ANTXRL: variants seen among roughly 807,000 people sequenced by gnomAD.
ANTXRL encodes ANTXR like.
In ANTXRL, 63 loss-of-function variants were observed where a neutral mutation model predicts 75.4. The observed-to-expected ratio is 0.84, with a 90% CI of 0.68 to 1.03. The LOEUF (loss-of-function observed/expected upper bound fraction) is 1.03, where lower values mean the gene tolerates loss of function less well. ANTXRL is among the 50% of genes least tolerant of loss of function. ANTXRL has a pLI of 0.00. For missense variants in ANTXRL, 797 were observed against 789.4 expected (o/e 1.01, Z -0.12); for synonymous variants, 335 against 291.3 (o/e 1.15, Z -1.53).
intron 12 of ANTXRL, chr10:46,308,343 C>T (rs1408395293): frequency 1.2e-5 from 5 of 407,530 alleles, no homozygotes; most frequent in African/African-American, 2.1e-5. Flanking sequence ...CCTTCATGCT[C>T]AGCCTCAGTG....
chr10:46,288,053 A>G (rs1373208774), intron 1 of ANTXRL, among the ~76,000 whole-genome samples: 1 of 151,980 alleles, frequency 6.6e-6, no homozygotes, highest in African/African-American at 2.4e-5. Flanking sequence ...ACACTTTCAG[A>G]ACAGTTTGGT....
chr10:46,298,122 A>G, intron 9 of ANTXRL, 60 bp downstream of exon 9: 1 of 1,166,318 alleles, frequency 8.6e-7, no homozygotes, highest in Non-Finnish European at 1.2e-6. Flanking sequence ...GCATGCGTGT[A>G]TGGAGTGTGT....
rs767815313 is a variant in ANTXRL, at chr10:46,287,245, C to G, written c.-18C>G. 1.0e-3 allele frequency: 1,610 copies of G among 1,534,616 alleles called. 2 individuals carry two copies. The highest frequency in any genetic ancestry group is 1.3e-3 in the Non-Finnish European group (1,501 of 1,146,238). On this transcript the variant is annotated 5_prime_UTR_variant, in exon 1 of 17. Coordinates refer to ENST00000620264, the MANE Select transcript of ANTXRL (RefSeq NM_001278688.3). ...CAGGCACCCAAGAGTGAGGTGGGGT[C>G]ACAGGGACAGCCAGATAATGGGGAG... is the stretch of plus-strand genomic sequence containing the variant.
In ANTXRL at chr10:46,297,816, C is replaced by T. The variant is rs1837473833; in HGVS notation, c.655-15C>T. The stretch of plus-strand genomic sequence containing the variant: ...CCTCCTGGTGGGGAGTCCAACCCAG[C>T]TCTGCTCTCTGTAGATAACAGCAAT... On this transcript the variant is annotated splice_polypyrimidine_tract_variant and intron_variant, in intron 7 of 16. Transcript: ENST00000620264. The T allele has an allele frequency of 2.0e-6, 3 of 1,535,532 alleles. No individual in the cohort carries two copies. The highest frequency in any genetic ancestry group is 1.7e-4 in the Middle Eastern group (1 of 5,966).
rs558218144 is a variant in ANTXRL, at chr10:46,325,347, T to C, written c.1411-4252T>C. 4.6e-5 allele frequency among the ~76,000 whole-genome samples: 7 copies of C among 152,258 alleles called. No individual in the cohort carries two copies. The South Asian group carries it at 1.5e-3, about 32-fold the overall frequency. The stretch of plus-strand genomic sequence containing the variant: ...CTACCTTGGGGTAAGGAATTCCTTA[T>C]TCTGCACCTCTTGCTTGTGATTTAA... On this transcript the variant is annotated intron_variant, in intron 16 of 16. Transcript: ENST00000620264.
At chr10:46,315,015 C>T (rs1330344864) in intron 16 of ANTXRL, among the ~76,000 whole-genome samples, 4 of 152,188 alleles carry the variant, frequency 2.6e-5, no homozygotes, top group African/African-American at 9.7e-5. Flanking sequence ...AGATTTCTGT[C>T]GGATACCCAA....
At position 46,287,158 on chromosome 10, in the gene ANTXRL, C is replaced by T; in HGVS notation, c.-105C>T. The T allele has an allele frequency of 7.1e-7, 1 of 1,412,100 alleles. No individual in the cohort carries two copies. Among genetic ancestry groups the T allele is most frequent in the Non-Finnish European group, 9.4e-7 (1 of 1,068,374 alleles). 87.5% of individuals were successfully genotyped at this position (1,412,100 alleles called of 1,614,324 possible). ...TGAAAGGGCAGGAGGAGGGGTGTGG[C>T]CCCGGGCATAAGGGGAGGCGGCAAA... On this transcript the variant is annotated 5_prime_UTR_variant, in exon 1 of 17. Coordinates refer to ENST00000620264, the MANE Select transcript of ANTXRL (RefSeq NM_001278688.3).
chr10:46,311,526 AACC>A lies in ANTXRL; in HGVS notation c.1195_1197del (p.Pro399del). 1 of 1,531,908 alleles carries A rather than the reference AACC, an allele frequency of 6.5e-7. No individual in the cohort carries two copies. Among genetic ancestry groups the A allele is most frequent in the East Asian group, 2.5e-5 (1 of 40,794 alleles). The allele number at this position is 1,531,908 out of a possible 1,614,324, so 94.9% of individuals were successfully genotyped here. A position where few individuals can be genotyped will look rare whatever the true frequency, so the allele number is the denominator to read the frequency against. On this transcript the variant is annotated inframe_deletion, in exon 15 of 17. Coordinates refer to ENST00000620264, the MANE Select transcript of ANTXRL (RefSeq NM_001278688.3). ...TTTTTTTAGGAGCCAGAGCAGGAAA[AACC>A]ACCATCACCACCACCACCGCCTCCG... is the stretch of plus-strand genomic sequence containing the variant.
chr10:46,327,731 T>A (rs549928002), intron 16 of ANTXRL, among the ~76,000 whole-genome samples: 1 of 152,252 alleles, frequency 6.6e-6, no homozygotes, highest in South Asian at 2.1e-4. Flanking sequence ...AAAGTCTGCA[T>A]GGTCTGTGGA....
chr10:46,308,646 C>T (rs548438244), intron 12 of ANTXRL: 29 of 347,756 alleles, frequency 8.3e-5, no homozygotes, highest in Admixed American at 2.8e-4. Context: ...CCAGGGAGGG[C>T]GGCTCATTCC....
intron 3 of ANTXRL, 104 bp from the exon 4 acceptor site, chr10:46,295,915 C>A: frequency 1.1e-6 from 1 of 924,900 alleles, no homozygotes; most frequent in Non-Finnish European, 1.7e-6. Context: ...CCTCCTTCAT[C>A]CAGGAGGACT....
intron 14 of ANTXRL, 35 bp downstream of exon 14, chr10:46,310,534 C>G: frequency 2.0e-6 from 3 of 1,532,424 alleles, no homozygotes; most frequent in Non-Finnish European, 2.6e-6. Context: ...ATTGTCACAT[C>G]CCAAGGAGCC....
chr10:46,311,661 T>G lies in ANTXRL; in HGVS notation c.1325T>G (p.Ile442Arg), dbSNP rs1554963575. The part of the protein sequence containing the change: ...GCQGVGGMRR[I>R]EGNLDTFCDL... ...CAAGGAGTGGGCGGGATGAGAAGGA[T>G]AGAGGTGAGAAGGGCACAGTGGAGA... Residue 442 changes from isoleucine to arginine, a missense_variant, in exon 15 of 17, where the codon ATA (isoleucine) becomes AGA (arginine). Physicochemically the swap from Ile to Arg is moderately conservative, Grantham distance 97 (BLOSUM62 -3). Transcript: ENST00000620264. 4 of 1,061,508 alleles carry G rather than the reference T, an allele frequency of 3.8e-6. No individual in the cohort carries two copies. In the Admixed American group the frequency reaches 8.0e-5, roughly 21 times the overall value. The allele number at this position is 1,061,508 out of a possible 1,614,324, so 65.8% of individuals were successfully genotyped here. A position where few individuals can be genotyped will look rare whatever the true frequency, so the allele number is the denominator to read the frequency against.
intron 14 of ANTXRL, 29 bp from the exon 15 acceptor site, chr10:46,311,481 T>C: frequency 6.6e-7 from 1 of 1,512,484 alleles, no homozygotes; most frequent in East Asian, 2.5e-5. Flanking sequence ...GCCAGCACTG[T>C]GAGCAGACAG....
In ANTXRL at chr10:46,293,846, G is replaced by A; in HGVS notation, c.338G>A (p.Cys113Tyr). The A allele has an allele frequency of 1.3e-6, 2 of 1,535,656 alleles. No homozygotes were observed. The highest frequency in any genetic ancestry group is 1.7e-6 in the Non-Finnish European group (2 of 1,146,638). ...ARFQSPNIRM[C>Y]FITYSTDGQT... Reference sequence around the variant, plus strand: ...CTTCACAGCCCAAATATTCGGATGTGCTTCATCACCTACTCCACAGACGGC... The same window carrying A: ...CTTCACAGCCCAAATATTCGGATGTACTTCATCACCTACTCCACAGACGGC... Residue 113 changes from cysteine to tyrosine, a missense_variant, in exon 3 of 17, where the codon TGC becomes TAC. By Grantham distance (194) the Cys-to-Tyr change is radical (BLOSUM62 -2). Coordinates refer to ENST00000620264, the MANE Select transcript of ANTXRL (RefSeq NM_001278688.3).
intron 16 of ANTXRL, among the ~76,000 whole-genome samples, chr10:46,324,706 A>T (rs1554966131): frequency 2.6e-5 from 4 of 152,116 alleles, no homozygotes; most frequent in African/African-American, 9.7e-5. Context: ...GAGACCCATA[A>T]ATATTCAGGT....
chr10:46,292,232 C>T (rs1396507100), intron 2 of ANTXRL, 103 bp downstream of exon 2: 5 of 1,075,936 alleles, frequency 4.6e-6, no homozygotes, highest in Non-Finnish European at 5.5e-6. Flanking sequence ...CGTGGGAGTC[C>T]TTCAGTGGGG....
intron 9 of ANTXRL, among the ~76,000 whole-genome samples, chr10:46,300,123 C>T (rs1283371949): frequency 6.6e-6 from 1 of 152,196 alleles, no homozygotes; most frequent in Non-Finnish European, 1.5e-5. Flanking sequence ...GCAGCTGAGT[C>T]GAGGTGGCAG....
intron 1 of ANTXRL, among the ~76,000 whole-genome samples, chr10:46,288,371 G>A (rs1347770084): frequency 6.6e-6 from 1 of 152,150 alleles, no homozygotes; most frequent in Non-Finnish European, 1.5e-5. Context: ...GCTCCTGGAG[G>A]TTGGGGAAGC....
Sources: allele counts gnomAD v4.1 joint callset (sites outside exome capture counted in the v4.1 genomes callset), GRCh38; gene constraint gnomAD v4.1.1; transcripts MANE v1.5; gene names NCBI Gene and HGNC (gene_info 2026-07-23, HGNC 2026-07-21).